CNTN5: variants seen among roughly 807,000 people sequenced by gnomAD.
CNTN5 encodes contactin 5, also known as contactin-5.
CNTN5 carries 77 observed loss-of-function variants against 129.1 expected under a neutral mutation model. The ratio of observed to expected loss-of-function variants is 0.60; its 90% CI spans 0.50 to 0.72. The LOEUF (loss-of-function observed/expected upper bound fraction) is 0.72. Among genes scored for constraint, CNTN5 ranks in the 30% least tolerant of loss-of-function variants. The probability of loss-of-function intolerance (pLI) is 0.00; values close to 1 mark genes in which losing one functional copy is unlikely to be tolerated. For synonymous variants in CNTN5, 509 were observed against 465.6 expected (o/e 1.09, Z -1.20); for missense variants, 1,478 against 1,328.8 (o/e 1.11, Z -1.75).
chr11:99,666,401 T>C (rs942671147), intron 3 of CNTN5, among the ~76,000 whole-genome samples: 1 of 152,184 alleles, frequency 6.6e-6, no homozygotes, highest in Non-Finnish European at 1.5e-5. Flanking sequence ...TGGAGACTGT[T>C]AGAAATGAGC....
chr11:100,287,700 T>G (rs1257597650), intron 18 of CNTN5, among the ~76,000 whole-genome samples: 4 of 152,054 alleles, frequency 2.6e-5, no homozygotes, highest in Non-Finnish European at 4.4e-5. Flanking sequence ...CTGCATCAAC[T>G]AATGAGCAAA....
intron 1 of CNTN5, among the ~76,000 whole-genome samples, chr11:99,292,854 C>T (rs1235277220): frequency 6.6e-6 from 1 of 152,092 alleles, no homozygotes; most frequent in Non-Finnish European, 1.5e-5. Context: ...GCCATCTACA[C>T]ACATTAAATG....
At chr11:99,051,677 A>T (rs974730104) in intron 1 of CNTN5, among the ~76,000 whole-genome samples, 2 of 151,926 alleles carry the variant, frequency 1.3e-5, no homozygotes, top group African/African-American at 4.8e-5. Context: ...CTGACTTATC[A>T]TCTAATGAAG....
intron 2 of CNTN5, among the ~76,000 whole-genome samples, chr11:99,358,867 G>A (rs1381028638): frequency 6.6e-6 from 1 of 151,976 alleles, no homozygotes; most frequent in Non-Finnish European, 1.5e-5. Flanking sequence ...AATTATGTAT[G>A]CAATGATTGA....
chr11:99,234,290 A>T (rs536854406), intron 1 of CNTN5, among the ~76,000 whole-genome samples: 1 of 152,170 alleles, frequency 6.6e-6, no homozygotes, highest in East Asian at 1.9e-4. Context: ...CAATGGGAAG[A>T]AGGAAGGCAA....
At chr11:99,215,864 T>A (rs1399505700) in intron 1 of CNTN5, among the ~76,000 whole-genome samples, 1 of 152,084 alleles carries the variant, frequency 6.6e-6, no homozygotes, top group Non-Finnish European at 1.5e-5. Flanking sequence ...GCATCTGCAT[T>A]TTTTTCACTT....
intron 2 of CNTN5, among the ~76,000 whole-genome samples, chr11:99,463,517 T>G (rs182790610): frequency 1.3e-5 from 2 of 151,856 alleles, no homozygotes; most frequent in African/African-American, 4.8e-5. Context: ...TCATTATACT[T>G]AAAAAATGTC....
At position 99,395,289 on chromosome 11, in the gene CNTN5, CG is replaced by C. The variant is rs1360847372; in HGVS notation, c.-71+69807del. 5.3e-5 allele frequency among the ~76,000 whole-genome samples: 8 copies of C among 151,968 alleles called. No individual in the cohort carries two copies. The East Asian group carries it at 7.7e-4, about 15-fold the overall frequency. ...TTTTGATTTGCATTTCTCTAATGAT[CG>C]GTGGTGTCGAGCTTTTTTTATATGA... On this transcript the variant is annotated intron_variant, in intron 2 of 24. Coordinates refer to ENST00000524871, the MANE Select transcript of CNTN5 (RefSeq NM_014361.4).
At chr11:100,005,765 T>A (rs1010899582) in intron 9 of CNTN5, among the ~76,000 whole-genome samples, 1 of 152,040 alleles carries the variant, frequency 6.6e-6, no homozygotes, top group Non-Finnish European at 1.5e-5. Flanking sequence ...AAGGATGGAG[T>A]GAAAAATATT....
chr11:100,286,390 A>G (rs1162370859), intron 18 of CNTN5, among the ~76,000 whole-genome samples: 1 of 151,588 alleles, frequency 6.6e-6, no homozygotes, highest in Non-Finnish European at 1.5e-5. Flanking sequence ...TGGTTCTCCC[A>G]GCACGCAGCT....
chr11:99,617,789 G>A (rs185341033), intron 3 of CNTN5, among the ~76,000 whole-genome samples: 7 of 151,812 alleles, frequency 4.6e-5, no homozygotes, highest in Admixed American at 2.0e-4. Context: ...CAAATGAGTC[G>A]GTAAAATGAA....
intron 2 of CNTN5, among the ~76,000 whole-genome samples, chr11:99,339,607 G>A (rs188298396): frequency 9.2e-5 from 14 of 151,970 alleles, no homozygotes; most frequent in Non-Finnish European, 1.6e-4. Context: ...GTGAAACCCC[G>A]TCTCTACTAA....
chr11:99,281,453 C>G (rs1294108403), intron 1 of CNTN5, among the ~76,000 whole-genome samples: 2 of 151,976 alleles, frequency 1.3e-5, no homozygotes, highest in Admixed American at 6.6e-5. Context: ...GCTTCCTCAC[C>G]TATGTCCAGA....
chr11:99,761,827 G>C, intron 3 of CNTN5, among the ~76,000 whole-genome samples: 2 of 98,140 alleles, frequency 2.0e-5, no homozygotes, highest in African/African-American at 7.5e-5. Context: ...CTAGATCCCT[G>C]AGGAATCGCC....
chr11:99,052,593 T>C (rs555462296), intron 1 of CNTN5, among the ~76,000 whole-genome samples: 2 of 152,012 alleles, frequency 1.3e-5, no homozygotes, highest in African/African-American at 4.8e-5. Flanking sequence ...ATCCCTATCA[T>C]TTCGTGAAAC....
intron 1 of CNTN5, among the ~76,000 whole-genome samples, chr11:99,312,051 TTCATTCTTTGA>T (rs1280192100): frequency 6.6e-6 from 1 of 152,178 alleles, no homozygotes. Flanking sequence ...TGGCCACAAA[TTCATTCTTTGA>T]TTGTGACTGG....
chr11:100,285,278 G>A (rs999183998), intron 18 of CNTN5, among the ~76,000 whole-genome samples: 56 of 152,050 alleles, frequency 3.7e-4, no homozygotes, highest in Admixed American at 5.2e-4. Context: ...AGAACCCTAC[G>A]GTCTCTTGAC....
chr11:100,302,028 G>C (rs1350783852), intron 20 of CNTN5, among the ~76,000 whole-genome samples: 1 of 151,514 alleles, frequency 6.6e-6, no homozygotes, highest in Non-Finnish European at 1.5e-5. Context: ...GAGTGAAAGA[G>C]TGAGACCTTG....
chr11:99,717,620 G>A (rs1272289515), intron 3 of CNTN5, among the ~76,000 whole-genome samples: 1 of 151,902 alleles, frequency 6.6e-6, no homozygotes, highest in Non-Finnish European at 1.5e-5. Context: ...CACTTTTTAA[G>A]CCACATTTGT....
Sources: allele counts gnomAD v4.1 joint callset (sites outside exome capture counted in the v4.1 genomes callset), GRCh38; gene constraint gnomAD v4.1.1; transcripts MANE v1.5; gene names NCBI Gene and HGNC (gene_info 2026-07-23, HGNC 2026-07-21).